CNTN5: variants seen among roughly 807,000 people sequenced by gnomAD.
CNTN5 encodes the protein contactin-5.
CNTN5 carries 77 observed loss-of-function variants against 129.1 expected under a neutral mutation model. That is an observed-to-expected ratio of 0.60 (90% CI 0.50 to 0.72). The LOEUF (loss-of-function observed/expected upper bound fraction) is 0.72. Among genes scored for constraint, CNTN5 ranks in the 30% least tolerant of loss-of-function variants. The probability of loss-of-function intolerance (pLI) is 0.00; values close to 1 mark genes in which losing one functional copy is unlikely to be tolerated. For missense variants in CNTN5, 1,478 were observed against 1,328.8 expected (o/e 1.11, Z -1.75); for synonymous variants, 509 against 465.6 (o/e 1.09, Z -1.20).
intron 2 of CNTN5, among the ~76,000 whole-genome samples, chr11:99,406,177 T>C (rs1224154797): frequency 6.6e-6 from 1 of 152,012 alleles, no homozygotes. Flanking sequence ...TGGGCTTATT[T>C]GCACTCATCC....
intron 2 of CNTN5, among the ~76,000 whole-genome samples, chr11:99,551,910 CTTTT>C (rs1334801874): frequency 7.1e-6 from 1 of 139,932 alleles, no homozygotes; most frequent in Non-Finnish European, 1.6e-5. Flanking sequence ...TGAGTTTTTT[CTTTT>C]TTTTTTTTTT....
chr11:99,532,812 T>G (rs1406509992), intron 2 of CNTN5, among the ~76,000 whole-genome samples: 2 of 152,224 alleles, frequency 1.3e-5, no homozygotes, highest in African/African-American at 4.8e-5. Context: ...AAAAACTCTT[T>G]TTCCTCCCAG....
rs571110794 is a variant in CNTN5, at chr11:99,097,561, T to C, written c.-210+76291T>C. Among the ~76,000 whole-genome samples the C allele has an allele frequency of 3.3e-5, 5 of 152,066 alleles. No individual in the cohort carries two copies. The South Asian group carries it at 8.3e-4, about 25-fold the overall frequency. On this transcript the variant is annotated intron_variant, in intron 1 of 24. Coordinates refer to ENST00000524871, the MANE Select transcript of CNTN5 (RefSeq NM_014361.4). ...TGTAACATCCGTGCATTTACAGAGATAATAAATTTCTTCATATTTTGAGTT... is the reference window on the plus strand; with the variant it reads ...TGTAACATCCGTGCATTTACAGAGACAATAAATTTCTTCATATTTTGAGTT...
intron 2 of CNTN5, among the ~76,000 whole-genome samples, chr11:99,523,216 C>G (rs915425510): frequency 1.3e-5 from 2 of 152,130 alleles, no homozygotes; most frequent in African/African-American, 2.4e-5. Flanking sequence ...CAACTACTTG[C>G]GTACATTGAG....
intron 3 of CNTN5, among the ~76,000 whole-genome samples, chr11:99,631,633 C>T (rs1230915081): frequency 2.7e-5 from 4 of 149,978 alleles, no homozygotes; most frequent in Non-Finnish European, 4.5e-5. Flanking sequence ...TCATGTCAGT[C>T]ATTTCAAATA....
Position 100,191,846 on chromosome 11 carries a change from A to G in CNTN5, c.1708+593A>G, listed in dbSNP as rs185650663. Among the ~76,000 whole-genome samples the G allele has an allele frequency of 3.0e-3, 463 of 152,074 alleles. 12 individuals are homozygous for G. Among genetic ancestry groups the G allele is most frequent in the East Asian group, 9.7e-4 (5 of 5,142 alleles). ...AAATGAGCTCGATTTCAAGCCTAGA[A>G]CATTCTGTTGAGGCTCTATGTCATT... On this transcript the variant is annotated intron_variant, in intron 14 of 24. Transcript: ENST00000524871.
intron 3 of CNTN5, among the ~76,000 whole-genome samples, chr11:99,781,389 G>A (rs1434834533): frequency 6.6e-6 from 1 of 152,018 alleles, no homozygotes; most frequent in Admixed American, 6.6e-5. Context: ...AGGTGGAATT[G>A]TAATATTTGT....
chr11:99,333,806 T>C (rs1866101876), intron 2 of CNTN5, among the ~76,000 whole-genome samples: 1 of 151,998 alleles, frequency 6.6e-6, no homozygotes, highest in African/African-American at 2.4e-5. Flanking sequence ...GTCATTTAAC[T>C]CTCTCTAGTG....
chr11:99,339,556 G>T (rs568971037), intron 2 of CNTN5, among the ~76,000 whole-genome samples: 1 of 152,174 alleles, frequency 6.6e-6, no homozygotes, highest in South Asian at 2.1e-4. Flanking sequence ...GAGACGGGTG[G>T]ATCACGAAGT....
chr11:99,763,797 T>C, intron 3 of CNTN5, among the ~76,000 whole-genome samples: 1 of 152,024 alleles, frequency 6.6e-6, no homozygotes, highest in Non-Finnish European at 1.5e-5. Flanking sequence ...TTATATGAAT[T>C]GTGTGTGTAG....
rs375990006 is a variant in CNTN5 at position 99,643,709 on chromosome 11, T to C, written c.55+87440T>C. On this transcript the variant is annotated intron_variant, in intron 3 of 24. Coordinates refer to ENST00000524871, the MANE Select transcript of CNTN5 (RefSeq NM_014361.4). ...TTCTAAGCACAGCTGGTATACTTTC[T>C]GACTGTGAGCCACACAAACCCTACA... Among the ~76,000 whole-genome samples the C allele has an allele frequency of 4.7e-4, 71 of 152,290 alleles. No individual in the cohort carries two copies. The East Asian group carries it at 0.013, about 28-fold the overall frequency.
At chr11:100,146,204 G>A (rs760526695) in intron 13 of CNTN5, among the ~76,000 whole-genome samples, 1 of 152,110 alleles carries the variant, frequency 6.6e-6, no homozygotes, top group Non-Finnish European at 1.5e-5. Context: ...GATTAAGGGT[G>A]ACTGTATTAC....
Position 99,770,034 on chromosome 11 carries a change from A to G in CNTN5, c.56-49510A>G, listed in dbSNP as rs570139423. Among the ~76,000 whole-genome samples, 142 of 152,192 alleles carry G rather than the reference A, an allele frequency of 9.3e-4. 1 individual carries two copies. The highest frequency in any genetic ancestry group is 3.3e-3 in the African/African-American group (137 of 41,546). On this transcript the variant is annotated intron_variant, in intron 3 of 24. Coordinates refer to ENST00000524871, the MANE Select transcript of CNTN5 (RefSeq NM_014361.4). ...ATATCAGTATCACTACCTAAAATCT[A>G]TTTAGAAAAGTTCAAGGATTTTTTG...
intron 3 of CNTN5, among the ~76,000 whole-genome samples, chr11:99,671,961 G>A (rs765272462): frequency 6.6e-5 from 10 of 152,096 alleles, no homozygotes; most frequent in South Asian, 4.2e-4. Flanking sequence ...GCAGGTGTGC[G>A]TGTGAAAAAT....
intron 3 of CNTN5, among the ~76,000 whole-genome samples, chr11:99,736,542 A>G (rs149284343): frequency 2.6e-3 from 396 of 152,292 alleles, no homozygotes; most frequent in African/African-American, 9.0e-3. Flanking sequence ...ATTGTATCTA[A>G]TGTGTTTAAT....
intron 13 of CNTN5, among the ~76,000 whole-genome samples, chr11:100,089,934 T>C (rs929038767): frequency 1.3e-5 from 2 of 152,100 alleles, no homozygotes; most frequent in Non-Finnish European, 2.9e-5. Context: ...AAGTAGCTAA[T>C]GCATGCTGGG....
intron 3 of CNTN5, among the ~76,000 whole-genome samples, chr11:99,769,340 G>GAT (rs1944865756): frequency 6.6e-6 from 1 of 152,112 alleles, no homozygotes; most frequent in African/African-American, 2.4e-5. Context: ...CTGAGTATGA[G>GAT]ATATGCTCAT....
chr11:99,818,092 A>G (rs1219843275), intron 3 of CNTN5, among the ~76,000 whole-genome samples: 1 of 152,210 alleles, frequency 6.6e-6, no homozygotes, highest in African/African-American at 2.4e-5. Context: ...TTTTCAAATC[A>G]TAGAAAAATG....
At chr11:100,180,016 C>A (rs896110481) in intron 13 of CNTN5, among the ~76,000 whole-genome samples, 2 of 151,952 alleles carry the variant, frequency 1.3e-5, no homozygotes, top group South Asian at 4.1e-4. Flanking sequence ...AAAAACTCTT[C>A]CAGAGATTTG....
Sources: gnomAD v4.1 joint callset for allele counts (sites outside exome capture counted in the v4.1 genomes callset) on GRCh38, gnomAD v4.1.1 for gene constraint, MANE v1.5 for transcripts, NCBI Gene and HGNC (gene_info 2026-07-23, HGNC 2026-07-21) for gene names.